The following PRKAA2 variants were observed in gnomAD, a reference collection of about 807,000 sequenced individuals.
PRKAA2 encodes the protein 5'-AMP-activated protein kinase catalytic subunit alpha-2.
Under a neutral mutation model 56.3 loss-of-function variants are expected in PRKAA2, and 40 were observed. That is an observed-to-expected ratio of 0.71 (90% CI 0.55 to 0.92). The LOEUF is 0.92. PRKAA2 is among the 40% of genes least tolerant of loss of function. The pLI is 0.00. For missense variants in PRKAA2, 542 were observed against 686.9 expected, an observed-to-expected ratio of 0.79 and a Z score of 2.36; for synonymous variants, 214 against 234.2, an observed-to-expected ratio of 0.91 and a Z score of 0.79.
At chr1:56,696,532 T>C (rs1644260235) in intron 6 of PRKAA2, among the ~76,000 whole-genome samples, 1 of 152,210 alleles carries the variant, frequency 6.6e-6, no homozygotes, top group African/African-American at 2.4e-5. Flanking sequence ...TTTCTCAGTG[T>C]GTCTTTTTTC....
rs368197146 is a variant in PRKAA2 at position 56,645,364 on chromosome 1, G to A, written c.-24G>A. 190 of 1,449,000 alleles carry A rather than the reference G, an allele frequency of 1.3e-4. No individual in the cohort carries two copies. The African/African-American group carries it at 2.5e-3, about 19-fold the overall frequency. 89.8% of individuals were successfully genotyped at this position (1,449,000 alleles called of 1,614,324 possible). On this transcript the variant is annotated 5_prime_UTR_variant, in exon 1 of 9. Coordinates refer to ENST00000371244, the MANE Select transcript of PRKAA2 (RefSeq NM_006252.4). ...GCGGCTACGCGGAGCGGCAGGCGGTGGAGCGAGGCCGCGCGCGCCGAAGAT... is the reference window on the plus strand; with the variant it reads ...GCGGCTACGCGGAGCGGCAGGCGGTAGAGCGAGGCCGCGCGCGCCGAAGAT...
chr1:56,689,689 C>T lies in PRKAA2; in HGVS notation c.237-1705C>T, dbSNP rs148303393. On this transcript the variant is annotated intron_variant, in intron 2 of 8. Transcript: ENST00000371244. ...AGCCGAGAGCATGGCCGCTGCACTC[C>T]AGCCTGAGTGGCAGAGCAAGACTCT... Among the ~76,000 whole-genome samples, 30 of 152,214 alleles carry T rather than the reference C, an allele frequency of 2.0e-4. No homozygotes were observed. In the East Asian group the frequency reaches 5.0e-3, roughly 25 times the overall value.
rs1644358736 is a variant in PRKAA2, at chr1:56,709,949, TG to T, written c.*2237del. ...TGGTCACAGTTTGGGTTCTTTTATG[TG>T]TATGTTTTTAAAACAGCTATTTTGT... On this transcript the variant is annotated 3_prime_UTR_variant, in exon 9 of 9. Coordinates refer to ENST00000371244, the MANE Select transcript of PRKAA2 (RefSeq NM_006252.4). 1 of 152,160 alleles carries T rather than the reference TG, an allele frequency of 6.6e-6. No homozygotes were observed. The highest frequency in any genetic ancestry group is 1.5e-5 in the Non-Finnish European group (1 of 67,992). The allele number at this position is 152,160 out of a possible 1,614,324, so 9.4% of individuals were successfully genotyped here. A position where few individuals can be genotyped will look rare whatever the true frequency, so the allele number is the denominator to read the frequency against.
chr1:56,684,157 G>A (rs1263245057), intron 2 of PRKAA2, among the ~76,000 whole-genome samples: 2 of 152,120 alleles, frequency 1.3e-5, no homozygotes, highest in African/African-American at 4.8e-5. Context: ...TGACGCCAAG[G>A]CATCTGGCCT....
In PRKAA2 at chr1:56,714,381, A is replaced by G. The variant is rs1468544569; in HGVS notation, c.*6668A>G. The stretch of plus-strand genomic sequence containing the variant: ...TGTTTGAAAGCCCTTGTTTAAATAC[A>G]GGGTTTATATCCCCACATTCAATGT... On this transcript the variant is annotated 3_prime_UTR_variant, in exon 9 of 9. Transcript: ENST00000371244. 3.3e-5 allele frequency: 5 copies of G among 152,160 alleles called. No individual in the cohort carries two copies. The highest frequency in any genetic ancestry group is 1.2e-4 in the African/African-American group (5 of 41,446). 9.4% of individuals were successfully genotyped at this position (152,160 alleles called of 1,614,324 possible).
chr1:56,671,562 GAGAA>G (rs1452886861), intron 1 of PRKAA2: 1 of 152,198 alleles, frequency 6.6e-6, no homozygotes, highest in Non-Finnish European at 1.5e-5. Context: ...TTTATATGCT[GAGAA>G]AGTAACTTTC....
intron 3 of PRKAA2, 74 bp downstream of exon 3, chr1:56,691,561 C>A: frequency 1.7e-6 from 2 of 1,166,644 alleles, no homozygotes; most frequent in South Asian, 1.8e-5. Flanking sequence ...TAGAACAATG[C>A]AAAGATATCT....
intron 3 of PRKAA2, 91 bp downstream of exon 3, chr1:56,691,578 T>A: frequency 9.9e-7 from 1 of 1,011,236 alleles, no homozygotes; most frequent in East Asian, 2.8e-5. Flanking sequence ...ATCTTCAAGG[T>A]TGAAGTTGCT....
chr1:56,679,926 A>G (rs1557552759), intron 2 of PRKAA2, among the ~76,000 whole-genome samples: 1 of 152,122 alleles, frequency 6.6e-6, no homozygotes. Context: ...AGTAGTTGGT[A>G]TATTTTCTCT....
chr1:56,685,974 T>C (rs1314823334), intron 2 of PRKAA2, among the ~76,000 whole-genome samples: 1 of 152,216 alleles, frequency 6.6e-6, no homozygotes, highest in Non-Finnish European at 1.5e-5. Flanking sequence ...TACACACATA[T>C]ATTTTTAAGT....
chr1:56,657,925 G>A (rs1643958807), intron 1 of PRKAA2, among the ~76,000 whole-genome samples: 1 of 152,174 alleles, frequency 6.6e-6, no homozygotes, highest in African/African-American at 2.4e-5. Context: ...GGAAGTCTAA[G>A]TATGTGGGTA....
At chr1:56,697,357 G>A (rs1016816440) in intron 6 of PRKAA2, among the ~76,000 whole-genome samples, 8 of 151,820 alleles carry the variant, frequency 5.3e-5, no homozygotes, top group Non-Finnish European at 1.2e-4. Context: ...TCTGACCTTT[G>A]GAATATTTAA....
Position 56,708,989 on chromosome 1 carries a change from A to G in PRKAA2, c.*1276A>G, listed in dbSNP as rs1644351848. ...GTTTTCTTTAAGATTAAAAAAACAC[A>G]AACTATAGCAGGGTAGATAATAGTT... On this transcript the variant is annotated 3_prime_UTR_variant, in exon 9 of 9. Coordinates refer to ENST00000371244, the MANE Select transcript of PRKAA2 (RefSeq NM_006252.4). 6.6e-6 allele frequency: 1 copy of G among 152,118 alleles called. No homozygotes were observed. Among genetic ancestry groups the G allele is most frequent in the Non-Finnish European group, 1.5e-5 (1 of 68,018 alleles). The allele number at this position is 152,118 out of a possible 1,614,324, so 9.4% of individuals were successfully genotyped here.
chr1:56,677,035 A>G (rs1644118446), intron 2 of PRKAA2, among the ~76,000 whole-genome samples: 1 of 152,202 alleles, frequency 6.6e-6, no homozygotes, highest in African/African-American at 2.4e-5. Context: ...GATGGTCCAG[A>G]GTATGTATAT....
chr1:56,677,042 A>T (rs1644118570), intron 2 of PRKAA2, among the ~76,000 whole-genome samples: 1 of 152,222 alleles, frequency 6.6e-6, no homozygotes, highest in South Asian at 2.1e-4. Context: ...CAGAGTATGT[A>T]TATAGAGGTT....
chr1:56,693,764 G>T lies in PRKAA2; in HGVS notation c.476-1G>T. On this transcript the variant is annotated splice_acceptor_variant, in intron 4 of 8. Transcript: ENST00000371244. LOFTEE classifies it high-confidence loss of function. ...CAAGTAAACATTACTTTTATTTTTAGGATTATCTAATATGATGTCAGATGG... is the reference window on the plus strand; with the variant it reads ...CAAGTAAACATTACTTTTATTTTTATGATTATCTAATATGATGTCAGATGG... 6.4e-7 allele frequency: 1 copy of T among 1,553,798 alleles called. No homozygotes were observed.
intron 1 of PRKAA2, among the ~76,000 whole-genome samples, chr1:56,664,855 T>TACACACACACACACACACACACACAC (rs67041631): frequency 2.1e-4 from 30 of 139,928 alleles, no homozygotes; most frequent in African/African-American, 6.0e-4. Flanking sequence ...AGTATATGTG[T>TACACACACACACACACACACACACAC]ACACACACAC....
intron 1 of PRKAA2, among the ~76,000 whole-genome samples, chr1:56,653,481 G>A (rs1033440872): frequency 1.3e-5 from 2 of 152,190 alleles, no homozygotes; most frequent in East Asian, 1.9e-4. Flanking sequence ...AGAAGACCTG[G>A]TGTGGAACCT....
chr1:56,690,164 CTTT>C (rs35151388), intron 2 of PRKAA2, among the ~76,000 whole-genome samples: 4 of 141,220 alleles, frequency 2.8e-5, no homozygotes, highest in Non-Finnish European at 3.1e-5. Context: ...ATCATCACAT[CTTT>C]TTTTTTTTTT....
Sources: gnomAD v4.1 joint callset for allele counts (sites outside exome capture counted in the v4.1 genomes callset) on GRCh38, gnomAD v4.1.1 for gene constraint, MANE v1.5 for transcripts, NCBI Gene and HGNC (gene_info 2026-07-23, HGNC 2026-07-21) for gene names.